The following RREB1 variants were observed in gnomAD, a reference collection of about 807,000 sequenced individuals.
RREB1 encodes the protein ras responsive element binding protein 1.
A neutral mutation model predicts 117.8 loss-of-function variants in RREB1; 27 were observed. The observed-to-expected ratio is 0.23, with a 90% CI of 0.17 to 0.32. The LOEUF (loss-of-function observed/expected upper bound fraction) is 0.32, where lower values mean the gene tolerates loss of function less well. Ranked by LOEUF, RREB1 falls within the 10% of genes least tolerant of loss-of-function variation. The pLI, the probability that RREB1 is intolerant of heterozygous loss-of-function variation, is 1.00. For synonymous variants in RREB1, 1,298 were observed against 1,026.7 expected (o/e 1.26, Z -5.05); for missense variants, 2,577 against 2,378.2 (o/e 1.08, Z -1.74).
intron 1 of RREB1, among the ~76,000 whole-genome samples, chr6:7,108,316 TTCCTCCTCCTCCTCC>T (rs143321297): frequency 1.4e-5 from 2 of 148,060 alleles, no homozygotes; most frequent in Non-Finnish European, 3.0e-5. Context: ...CGCCGGGCCA[TTCCTCCTCCTCCTCC>T]TCCTCCTCCC....
intron 6 of RREB1, among the ~76,000 whole-genome samples, chr6:7,202,266 G>C (rs939071621): frequency 6.6e-6 from 1 of 152,114 alleles, no homozygotes; most frequent in African/African-American, 2.4e-5. Context: ...TCCTCTTTTG[G>C]AACTGGCTGA....
intron 1 of RREB1, among the ~76,000 whole-genome samples, chr6:7,109,302 C>T (rs1458267894): frequency 6.6e-6 from 1 of 152,086 alleles, no homozygotes; most frequent in East Asian, 1.9e-4. Context: ...GCCCCCCGCG[C>T]CCCCTCCCCG....
chr6:7,216,191 G>A (rs1411955265), intron 8 of RREB1: 1 of 152,294 alleles, frequency 6.6e-6, no homozygotes, highest in Non-Finnish European at 1.5e-5. Flanking sequence ...GTACGGGCTA[G>A]GCACAAAACA....
chr6:7,153,246 T>TTTA (rs556613013), intron 1 of RREB1, among the ~76,000 whole-genome samples: 2 of 151,798 alleles, frequency 1.3e-5, no homozygotes, highest in East Asian at 1.9e-4. Context: ...TATTTTTTTT[T>TTTA]AAAAAAAGTA....
At chr6:7,179,112 C>G (rs981088645) in intron 2 of RREB1, among the ~76,000 whole-genome samples, 5 of 152,032 alleles carry the variant, frequency 3.3e-5, no homozygotes, top group African/African-American at 1.2e-4. Flanking sequence ...TATTATTTCC[C>G]TCCTCTCCAC....
intron 12 of RREB1, among the ~76,000 whole-genome samples, chr6:7,247,745 C>T (rs1026275747): frequency 1.3e-5 from 2 of 152,206 alleles, no homozygotes; most frequent in African/African-American, 4.8e-5. Flanking sequence ...CCCTTCACAC[C>T]GTTCTAGAGT....
chr6:7,128,879 G>A (rs1480167725), intron 1 of RREB1, among the ~76,000 whole-genome samples: 1 of 152,218 alleles, frequency 6.6e-6, no homozygotes, highest in Non-Finnish European at 1.5e-5. Flanking sequence ...TGAGACAGGA[G>A]AATTGCGTGA....
intron 1 of RREB1, among the ~76,000 whole-genome samples, chr6:7,128,452 T>C (rs1327024507): frequency 6.6e-6 from 1 of 152,052 alleles, no homozygotes; most frequent in Non-Finnish European, 1.5e-5. Context: ...CAGAGCACCA[T>C]GTATGTCTCT....
intron 1 of RREB1, among the ~76,000 whole-genome samples, chr6:7,124,798 CATGATGTAG>C (rs1279061819): frequency 1.3e-5 from 2 of 152,194 alleles, no homozygotes; most frequent in Non-Finnish European, 2.9e-5. Context: ...TCTCTGACCC[CATGATGTAG>C]ATGCAGTTGT....
Position 7,230,064 on chromosome 6 carries a change from G to C in RREB1, c.1965G>C (p.Ser655=). The change falls in exon 10 of 13, where the codon TCG becomes TCC. Residue 655 remains serine (S), a synonymous_variant. Coordinates refer to ENST00000379938, the MANE Select transcript of RREB1 (RefSeq NM_001003699.4). ...CRFCNQVFAF[S]GVLRAHVRSH... Reference sequence around the variant, plus strand: ...TCTGCAACCAGGTGTTTGCCTTCTCGGGGGTCTTGCGTGCCCACGTGCGCT... The same window carrying C: ...TCTGCAACCAGGTGTTTGCCTTCTCCGGGGTCTTGCGTGCCCACGTGCGCT... 6.2e-7 allele frequency: 1 copy of C among 1,606,674 alleles called. No homozygotes were observed. Among genetic ancestry groups the C allele is most frequent in the African/African-American group, 1.3e-5 (1 of 74,868 alleles).
Position 7,119,775 on chromosome 6 carries a change from T to C in RREB1, c.-285+11715T>C, listed in dbSNP as rs1280223243. ...TTTAAAGATTATTCCTACCCAGAGT[T>C]GAGAATAGACCTGGCTAGAAGGAAG... On this transcript the variant is annotated intron_variant, in intron 1 of 12. Transcript: ENST00000379938. Among the ~76,000 whole-genome samples, 9 of 152,316 alleles carry C rather than the reference T, an allele frequency of 5.9e-5. No homozygotes were observed. The East Asian group carries it at 1.7e-3, about 29-fold the overall frequency.
chr6:7,155,123 A>G (rs1763301867), intron 1 of RREB1, among the ~76,000 whole-genome samples: 1 of 152,132 alleles, frequency 6.6e-6, no homozygotes, highest in South Asian at 2.1e-4. Context: ...CAGTTAACCT[A>G]TGTGTAATTT....
chr6:7,143,098 C>CT (rs1162470468), intron 1 of RREB1, among the ~76,000 whole-genome samples: 1 of 152,170 alleles, frequency 6.6e-6, no homozygotes, highest in Non-Finnish European at 1.5e-5. Context: ...GAAAATACAG[C>CT]TAAAAGGGTT....
chr6:7,185,773 C>T (rs1410637251), intron 4 of RREB1, among the ~76,000 whole-genome samples: 2 of 152,062 alleles, frequency 1.3e-5, no homozygotes, highest in Admixed American at 6.5e-5. Context: ...GTTTCCTTTC[C>T]GTGCCTTGGG....
chr6:7,145,031 C>T (rs775321699), intron 1 of RREB1, among the ~76,000 whole-genome samples: 55 of 152,224 alleles, frequency 3.6e-4, no homozygotes, highest in Middle Eastern at 3.4e-3. Context: ...CTTTCTTCTT[C>T]GTCTCACCGT....
At chr6:7,188,329 CAA>C (rs1765211279) in intron 5 of RREB1, among the ~76,000 whole-genome samples, 1 of 151,910 alleles carries the variant, frequency 6.6e-6, no homozygotes, top group Admixed American at 6.6e-5. Context: ...CAGCTCACTG[CAA>C]CCTCTGCCTC....
intron 1 of RREB1, among the ~76,000 whole-genome samples, chr6:7,115,223 G>A (rs889668119): frequency 6.6e-6 from 1 of 152,064 alleles, no homozygotes; most frequent in Admixed American, 6.5e-5. Context: ...GGGAGTAAGG[G>A]GATGCAGGGT....
chr6:7,189,349 G>A, intron 6 of RREB1, 27 bp downstream of exon 6: 1 of 1,544,186 alleles, frequency 6.5e-7, no homozygotes, highest in East Asian at 2.4e-5. Context: ...TTTGCTTGGG[G>A]GGTTGGCTGG....
rs554413398 is a variant in RREB1 at position 7,131,259 on chromosome 6, C to T, written c.-285+23199C>T. 4.6e-5 allele frequency among the ~76,000 whole-genome samples: 7 copies of T among 152,200 alleles called. No homozygotes were observed. The South Asian group carries it at 1.2e-3, about 27-fold the overall frequency. ...TTTCTAAGAAGCAAATATGTACCAT[C>T]GTATGCCAGTCATGGTAAATGCTTT... is the stretch of plus-strand genomic sequence containing the variant. On this transcript the variant is annotated intron_variant, in intron 1 of 12. Coordinates refer to ENST00000379938, the MANE Select transcript of RREB1 (RefSeq NM_001003699.4).
Sources: gnomAD v4.1 joint callset for allele counts (sites outside exome capture counted in the v4.1 genomes callset) on GRCh38, gnomAD v4.1.1 for gene constraint, MANE v1.5 for transcripts, NCBI Gene and HGNC (gene_info 2026-07-23, HGNC 2026-07-21) for gene names.